ELMOD2: variants seen among roughly 807,000 people sequenced by gnomAD.
The protein encoded by ELMOD2 is ELMO domain-containing protein 2.
ELMOD2 carries 28 observed loss-of-function variants against 41.0 expected under a neutral mutation model. The ratio of observed to expected loss-of-function variants is 0.68; its 90% CI spans 0.51 to 0.94. The LOEUF (loss-of-function observed/expected upper bound fraction) is 0.94. ELMOD2 is among the 40% of genes least tolerant of loss of function. The pLI is 0.00. For missense variants in ELMOD2, 333 were observed against 343.1 expected, an observed-to-expected ratio of 0.97 and a Z score of 0.23; for synonymous variants, 106 against 107.2, an observed-to-expected ratio of 0.99 and a Z score of 0.07.
chr4:140,535,371 A>G (rs1302219998), intron 3 of ELMOD2: 2 of 174,074 alleles, frequency 1.1e-5, no homozygotes, highest in Non-Finnish European at 2.4e-5. Context: ...TTGAGATTCA[A>G]CTCTTTTCTG....
intron 4 of ELMOD2, 122 bp downstream of exon 4, chr4:140,535,952 C>G (rs1013174764): frequency 1.7e-5 from 14 of 841,814 alleles, no homozygotes; most frequent in Non-Finnish European, 2.1e-5. Flanking sequence ...ATTCAGCGCT[C>G]TCACTTCACA....
intron 3 of ELMOD2, among the ~76,000 whole-genome samples, chr4:140,533,296 G>A (rs937673456): frequency 8.5e-5 from 13 of 152,148 alleles, no homozygotes; most frequent in African/African-American, 2.9e-4. Context: ...CCTACTACCT[G>A]ACTTTAAGAC....
chr4:140,545,656 G>A (rs1186765733), intron 8 of ELMOD2, among the ~76,000 whole-genome samples: 1 of 152,154 alleles, frequency 6.6e-6, no homozygotes, highest in Non-Finnish European at 1.5e-5. Flanking sequence ...TCTAGCAGGC[G>A]TGAGATGCTT....
intron 3 of ELMOD2, among the ~76,000 whole-genome samples, chr4:140,533,756 G>A (rs996918292): frequency 3.3e-5 from 5 of 152,140 alleles, no homozygotes; most frequent in Admixed American, 6.5e-5. Flanking sequence ...TTATAACTCA[G>A]TAATAAAAAG....
chr4:140,540,123 C>G, intron 5 of ELMOD2, 45 bp from the exon 6 acceptor site: 1 of 1,595,904 alleles, frequency 6.3e-7, no homozygotes, highest in South Asian at 1.1e-5. Context: ...TAGTTACAAG[C>G]TATGAGAAAG....
At chr4:140,532,257 C>T (rs112597931) in intron 3 of ELMOD2, among the ~76,000 whole-genome samples, 30,331 of 151,380 alleles carry the variant, frequency 0.2, 3,131 homozygotes, top group Admixed American at 0.27. Flanking sequence ...CTCCACCTCC[C>T]GGGTTCAAGC....
intron 8 of ELMOD2, among the ~76,000 whole-genome samples, chr4:140,548,333 T>C (rs1409158894): frequency 6.6e-6 from 1 of 152,074 alleles, no homozygotes; most frequent in African/African-American, 2.4e-5. Flanking sequence ...TCCCTAACAG[T>C]GTATGGGGGA....
At chr4:140,529,369 C>G (rs1268477837) in intron 3 of ELMOD2, among the ~76,000 whole-genome samples, 1 of 152,152 alleles carries the variant, frequency 6.6e-6, no homozygotes, top group East Asian at 1.9e-4. Context: ...ATGAATTGTT[C>G]TGTGAAATCT....
Position 140,540,213 on chromosome 4 carries a change from T to A in ELMOD2, c.445T>A (p.Ser149Thr). 6.2e-7 allele frequency: 1 copy of A among 1,614,172 alleles called. No homozygotes were observed. Among genetic ancestry groups the A allele is most frequent in the Non-Finnish European group, 8.5e-7 (1 of 1,180,020 alleles). ...CACGAAGAAGTTAAACGCTAGAATC[T>A]CCAAGCAGTGGGCTGAAATTGGTTT... ...MPTKKLNARISKQWAEIGFQG... is the reference protein window; with the variant it reads ...MPTKKLNARITKQWAEIGFQG... The change falls in exon 6 of 9, where the codon TCC (serine) becomes ACC (threonine). Residue 149 changes from serine (S) to threonine (T), a missense_variant. Coordinates refer to ENST00000323570, the MANE Select transcript of ELMOD2 (RefSeq NM_153702.4).
Position 140,550,254 on chromosome 4 carries a change from A to G in ELMOD2, c.761A>G (p.Lys254Arg), listed in dbSNP as rs779256105. The change falls in exon 9 of 9, where the codon AAG (lysine) becomes AGG (arginine). Residue 254 changes from lysine (K) to arginine (R), a missense_variant. By Grantham distance (26) the Lys-to-Arg change is conservative. Transcript: ENST00000323570. ...FYCYLVYEFD[K>R]FWFEEEPESI... ...GGTTATCTTGTCTATGAATTTGACA[A>G]GTTTTGGTTTGAAGAAGAACCAGAA... The G allele has an allele frequency of 1.9e-6, 3 of 1,610,028 alleles. No individual in the cohort carries two copies.
chr4:140,541,657 AAT>A (rs1196572087), intron 6 of ELMOD2, among the ~76,000 whole-genome samples: 1 of 151,970 alleles, frequency 6.6e-6, no homozygotes, highest in South Asian at 2.1e-4. Flanking sequence ...CTCCCCGGGA[AAT>A]ATATATATAG....
chr4:140,528,388 TA>T (rs1463240967), intron 3 of ELMOD2, among the ~76,000 whole-genome samples: 1 of 152,210 alleles, frequency 6.6e-6, no homozygotes, highest in Non-Finnish European at 1.5e-5. Context: ...ACGGGTCATC[TA>T]GACCATTGTT....
At chr4:140,541,086 T>C (rs1037316794) in intron 6 of ELMOD2, among the ~76,000 whole-genome samples, 2 of 152,182 alleles carry the variant, frequency 1.3e-5, no homozygotes, top group African/African-American at 4.8e-5. Context: ...TGTATCGAAA[T>C]CCCCAAATAT....
intron 8 of ELMOD2, among the ~76,000 whole-genome samples, chr4:140,544,387 C>T (rs1396930483): frequency 6.6e-6 from 1 of 152,088 alleles, no homozygotes; most frequent in Non-Finnish European, 1.5e-5. Context: ...TTAACTTTCT[C>T]TTGCATGTGT....
chr4:140,524,556 T>C (rs1331048961), intron 1 of ELMOD2: 3 of 983,146 alleles, frequency 3.1e-6, no homozygotes, highest in African/African-American at 3.5e-5. Flanking sequence ...ACTAGATGGC[T>C]TGATTTTCAA....
At chr4:140,529,238 G>C (rs1197378403) in intron 3 of ELMOD2, among the ~76,000 whole-genome samples, 1 of 152,190 alleles carries the variant, frequency 6.6e-6, no homozygotes, top group East Asian at 1.9e-4. Flanking sequence ...TTAGTATGCT[G>C]TCTGGGGACT....
At chr4:140,530,654 C>A (rs1734718805) in intron 3 of ELMOD2, among the ~76,000 whole-genome samples, 1 of 152,102 alleles carries the variant, frequency 6.6e-6, no homozygotes, top group African/African-American at 2.4e-5. Flanking sequence ...GAGTGGTCAA[C>A]AAATGGGTAA....
rs768812088 is a variant in ELMOD2, at chr4:140,550,283, A to G, written c.790A>G (p.Ile264Val). 6.2e-7 allele frequency: 1 copy of G among 1,611,882 alleles called. No individual in the cohort carries two copies. Residue 264 changes from isoleucine to valine, a missense_variant, in exon 9 of 9, where the codon ATT becomes GTT. Ile to Val is a conservative substitution (Grantham distance 29, BLOSUM62 3). Coordinates refer to ENST00000323570, the MANE Select transcript of ELMOD2 (RefSeq NM_153702.4). ...TTGGTTTGAAGAAGAACCAGAAAGC[A>G]TTATGTATTTCAATTTGTATAGAGA... ...KFWFEEEPES[I>V]MYFNLYREKF... is the part of the protein sequence containing the mutation.
intron 7 of ELMOD2, 136 bp from the exon 8 acceptor site, chr4:140,543,317 C>T: frequency 1.1e-6 from 1 of 901,338 alleles, no homozygotes; most frequent in Non-Finnish European, 1.6e-6. Context: ...GTATATTTTT[C>T]TTACCATGTA....
Sources: gnomAD v4.1 joint callset for allele counts (sites outside exome capture counted in the v4.1 genomes callset) on GRCh38, gnomAD v4.1.1 for gene constraint, MANE v1.5 for transcripts, NCBI Gene and HGNC (gene_info 2026-07-23, HGNC 2026-07-21) for gene names.